SPANXN4: variants seen among roughly 807,000 people sequenced by gnomAD.
SPANXN4 encodes sperm protein associated with the nucleus on the X chromosome N4.
A neutral mutation model predicts 6.0 loss-of-function variants in SPANXN4; 5 were observed. That is an observed-to-expected ratio of 0.83 (90% CI 0.44 to 1.75). SPANXN4 has a LOEUF of 1.75. SPANXN4 is among the 40% of genes most tolerant of loss of function. The pLI is 0.02. For synonymous variants in SPANXN4, 45 were observed against 38.0 expected (o/e 1.19, Z -0.68); for missense variants, 157 against 108.6 (o/e 1.45, Z -1.98).
At chrX:143,034,500 A>C in intron 2 of SPANXN4, 189 bp downstream of exon 2, 2 of 1,127,741 alleles carry the variant, frequency 1.8e-6, no homozygotes, top group Non-Finnish European at 2.3e-6. Context: ...TTAAAATTTT[A>C]TCTCACAGGA....
chrX:143,026,162 C>A, intron 1 of SPANXN4, 70 bp downstream of exon 1: 1 of 945,840 alleles, frequency 1.1e-6, no homozygotes, highest in Non-Finnish European at 1.5e-6. Context: ...GCGGGTCAAA[C>A]AGCAACACGG....
chrX:143,029,853 C>A (rs1053129491), intron 1 of SPANXN4, among the ~76,000 whole-genome samples: 1 of 110,305 alleles, frequency 9.1e-6, no homozygotes, highest in African/African-American at 3.3e-5. Flanking sequence ...GTGGACACAC[C>A]CAAGATTTTT....
At chrX:143,036,271 C>G (rs1932843411), downstream of SPANXN4, among the ~76,000 whole-genome samples, 1 of 110,771 alleles carries the variant, frequency 9.0e-6, no homozygotes, top group South Asian at 3.8e-4. Flanking sequence ...TTGGAAAAAG[C>G]CTAACATGAT....
At chrX:143,026,153 C>A in intron 1 of SPANXN4, 61 bp downstream of exon 1, 1 of 1,027,886 alleles carries the variant, frequency 9.7e-7, no homozygotes, top group Non-Finnish European at 1.3e-6. Flanking sequence ...AGATAGGGCG[C>A]GGGTCAAACA....
At chrX:143,030,163 G>T (rs1932801810) in intron 1 of SPANXN4, among the ~76,000 whole-genome samples, 2 of 110,668 alleles carry the variant, frequency 1.8e-5, no homozygotes, top group Non-Finnish European at 3.8e-5. Flanking sequence ...TCAAAGGTGG[G>T]AATGCACAGC....
At chrX:143,034,816 T>C (rs956078103), downstream of SPANXN4, 129 of 951,197 alleles carry the variant, frequency 1.4e-4, no homozygotes, top group Non-Finnish European at 1.7e-4. Context: ...TAAGAAACTC[T>C]AGGTGGAGCA....
downstream of SPANXN4, among the ~76,000 whole-genome samples, chrX:143,037,007 A>C (rs972689226): frequency 9.0e-6 from 1 of 111,246 alleles, no homozygotes; most frequent in African/African-American, 3.3e-5. Context: ...CTTCCCCCTA[A>C]ATCTCTCCCT....
chrX:143,037,322 A>C (rs1932848678), downstream of SPANXN4, among the ~76,000 whole-genome samples: 1 of 111,792 alleles, frequency 8.9e-6, no homozygotes, highest in African/African-American at 3.2e-5. Context: ...ATTTCTTCTA[A>C]TTAGAGCATA....
chrX:143,033,846 C>T (rs932693541), intron 1 of SPANXN4, among the ~76,000 whole-genome samples, 179 bp from the exon 2 acceptor site: 6 of 110,939 alleles, frequency 5.4e-5, no homozygotes, highest in South Asian at 3.9e-4. Flanking sequence ...CACAGATGAC[C>T]CTACCCATGC....
chrX:143,037,393 G>A (rs182774871), downstream of SPANXN4, among the ~76,000 whole-genome samples: 231 of 111,076 alleles, frequency 2.1e-3, 2 homozygotes, highest in South Asian at 6.8e-3. Flanking sequence ...TTCTTGGGGC[G>A]AATTCTTCCG....
In SPANXN4 at chrX:143,032,888, G is replaced by A. The variant is rs975850981; in HGVS notation, c.79-1140G>A. The stretch of plus-strand genomic sequence containing the variant: ...CCCAATTCCTCCCAGGAGAATGGAC[G>A]TAGGAGAGCTGGGATGTACCAAAGA... On this transcript the variant is annotated intron_variant, in intron 1 of 2. Coordinates refer to ENST00000370504, the Ensembl canonical transcript of SPANXN4. Among the ~76,000 whole-genome samples the A allele has an allele frequency of 2.4e-4, 27 of 111,335 alleles. No homozygotes were observed. In the East Asian group the frequency reaches 6.1e-3, roughly 25 times the overall value.
chrX:143,027,482 C>T (rs756560532), intron 1 of SPANXN4, among the ~76,000 whole-genome samples: 6 of 110,891 alleles, frequency 5.4e-5, no homozygotes, highest in Non-Finnish European at 7.5e-5. Context: ...CAGCTTGTAT[C>T]GTGTTCAGTT....
chrX:143,026,759 G>A (rs759507746), intron 1 of SPANXN4, among the ~76,000 whole-genome samples: 70 of 110,680 alleles, frequency 6.3e-4, no homozygotes, highest in Non-Finnish European at 1.2e-3. Context: ...CCTGGACAGG[G>A]GAGTTTAGCT....
exon 3 of SPANXN4, chrX:143,034,543 A>C: frequency 8.6e-7 from 1 of 1,157,811 alleles, no homozygotes; most frequent in East Asian, 3.3e-5. Flanking sequence ...TCCTTGGAGC[A>C]CGTGCATGTT....
intron 1 of SPANXN4, among the ~76,000 whole-genome samples, chrX:143,029,388 C>G (rs1168321476): frequency 2.7e-5 from 3 of 111,330 alleles, no homozygotes; most frequent in African/African-American, 9.8e-5. Flanking sequence ...AGGGTGAGAT[C>G]CTGGGTTAGG....
At chrX:143,027,738 G>A (rs1478028942) in intron 1 of SPANXN4, among the ~76,000 whole-genome samples, 1 of 110,606 alleles carries the variant, frequency 9.0e-6, no homozygotes, top group African/African-American at 3.3e-5. Flanking sequence ...AGAAAGACGG[G>A]AGGGAGTGTG....
intron 1 of SPANXN4, among the ~76,000 whole-genome samples, chrX:143,028,027 A>G (rs1338973950): frequency 9.0e-6 from 1 of 111,599 alleles, no homozygotes; most frequent in Admixed American, 9.5e-5. Context: ...ACTGTTATGC[A>G]CTAGGGCATT....
downstream of SPANXN4, among the ~76,000 whole-genome samples, chrX:143,038,153 A>G (rs1932852381): frequency 8.9e-6 from 1 of 111,755 alleles, no homozygotes; most frequent in South Asian, 3.7e-4. Flanking sequence ...TTACACTCTG[A>G]TCTCTTTTTT....
intron 1 of SPANXN4, among the ~76,000 whole-genome samples, chrX:143,033,154 C>T (rs1932820886): frequency 9.0e-6 from 1 of 111,511 alleles, no homozygotes; most frequent in Admixed American, 9.5e-5. Context: ...GGGGGTGATC[C>T]TTACTGGAGC....
Sources: allele counts gnomAD v4.1 joint callset (sites outside exome capture counted in the v4.1 genomes callset), GRCh38; gene constraint gnomAD v4.1.1; transcripts MANE v1.5; gene names NCBI Gene and HGNC (gene_info 2026-07-23, HGNC 2026-07-21).